CCDC191: variants seen among roughly 807,000 people sequenced by gnomAD.
The protein encoded by CCDC191 is coiled-coil domain-containing protein 191.
Under a neutral mutation model 114.0 loss-of-function variants are expected in CCDC191, and 99 were observed. That is an observed-to-expected ratio of 0.87 (90% CI 0.74 to 1.03). CCDC191 has a LOEUF of 1.03. Among genes scored for constraint, CCDC191 ranks in the 50% least tolerant of loss-of-function variants. The probability of loss-of-function intolerance (pLI) is 0.00; values close to 1 mark genes in which losing one functional copy is unlikely to be tolerated. For synonymous variants in CCDC191, 351 were observed against 376.0 expected, an observed-to-expected ratio of 0.93 and a Z score of 0.77; for missense variants, 973 against 1,087.0, an observed-to-expected ratio of 0.90 and a Z score of 1.47.
chr3:114,004,647 G>A lies in CCDC191; in HGVS notation c.1968C>T (p.Pro656=). The A allele has an allele frequency of 1.2e-6, 2 of 1,611,800 alleles. No individual in the cohort carries two copies. The highest frequency in any genetic ancestry group is 1.1e-5 in the South Asian group (1 of 90,928). Residue 656 remains proline, a synonymous_variant, in exon 11 of 17, where the codon CCC becomes CCT. Transcript: ENST00000295878. The part of the protein sequence containing the change: ...RKPKQLMTPH[P]ILKAMEERAI... Reference sequence around the variant, plus strand: ...CCGAGACAGCCCTGCCTTTTAGTATGGGATGCGGTGTCATCAATTGCTTTG... The same window carrying A: ...CCGAGACAGCCCTGCCTTTTAGTATAGGATGCGGTGTCATCAATTGCTTTG...
At chr3:113,976,469 GA>G (rs1172923506) in intron 16 of CCDC191, among the ~76,000 whole-genome samples, 1 of 151,966 alleles carries the variant, frequency 6.6e-6, no homozygotes, top group African/African-American at 2.4e-5. Flanking sequence ...CTGAAAAATG[GA>G]AATAATGACA....
At chr3:113,977,338 G>C (rs990603338) in intron 16 of CCDC191, among the ~76,000 whole-genome samples, 1 of 151,974 alleles carries the variant, frequency 6.6e-6, no homozygotes, top group African/African-American at 2.4e-5. Flanking sequence ...CAAAAAAGCT[G>C]GAGGCATCAC....
chr3:113,981,914 A>C (rs531153609), intron 13 of CCDC191, among the ~76,000 whole-genome samples: 41 of 152,364 alleles, frequency 2.7e-4, no homozygotes, highest in African/African-American at 9.4e-4. Flanking sequence ...TGAAATGGCC[A>C]GAGAGAAAAT....
At chr3:114,002,382 C>T in intron 12 of CCDC191, 74 bp downstream of exon 12, 1 of 1,105,090 alleles carries the variant, frequency 9.0e-7, no homozygotes, top group Non-Finnish European at 1.3e-6. Flanking sequence ...TCTGAAAAAG[C>T]AAGGTTTCAT....
chr3:114,023,638 A>G (rs2076275626), intron 7 of CCDC191, among the ~76,000 whole-genome samples: 1 of 152,220 alleles, frequency 6.6e-6, no homozygotes, highest in African/African-American at 2.4e-5. Context: ...GGTGCTGGGA[A>G]AACTGGCTAG....
At chr3:114,027,652 C>G (rs1390092731) in intron 7 of CCDC191, among the ~76,000 whole-genome samples, 1 of 132,200 alleles carries the variant, frequency 7.6e-6, no homozygotes, top group Non-Finnish European at 1.7e-5. Flanking sequence ...AAAGCACAAA[C>G]AATTACAGGA....
intron 16 of CCDC191, among the ~76,000 whole-genome samples, chr3:113,972,770 T>C (rs188583875): frequency 6.2e-4 from 94 of 152,310 alleles, no homozygotes; most frequent in Non-Finnish European, 1.1e-3. Flanking sequence ...ATAATTGTTA[T>C]ATCCTCTTGC....
At chr3:114,043,899 A>G (rs750927302) in intron 3 of CCDC191, among the ~76,000 whole-genome samples, 3 of 152,092 alleles carry the variant, frequency 2.0e-5, no homozygotes, top group Non-Finnish European at 2.9e-5. Flanking sequence ...AAAGAAATCT[A>G]TGAGTTTTTT....
intron 8 of CCDC191, among the ~76,000 whole-genome samples, chr3:114,016,337 GTTC>G (rs2076157706): frequency 6.6e-6 from 1 of 152,300 alleles, no homozygotes; most frequent in Admixed American, 6.5e-5. Flanking sequence ...AAGCAACTGA[GTTC>G]TTCATTTGTT....
intron 6 of CCDC191, among the ~76,000 whole-genome samples, chr3:114,033,758 TA>T (rs1366453718): frequency 6.6e-6 from 1 of 152,220 alleles, no homozygotes; most frequent in Admixed American, 6.5e-5. Flanking sequence ...AAGAACTCAC[TA>T]AAACACCAGT....
intron 8 of CCDC191, 54 bp downstream of exon 8, chr3:114,018,624 G>T: frequency 7.2e-7 from 1 of 1,389,604 alleles, no homozygotes; most frequent in Non-Finnish European, 9.9e-7. Flanking sequence ...GATTCTTCAG[G>T]AGGGAAATAT....
Position 114,004,742 on chromosome 3 carries a change from G to A in CCDC191, c.1873C>T (p.Pro625Ser). 3 of 1,608,570 alleles carry A rather than the reference G, an allele frequency of 1.9e-6. No homozygotes were observed. Among genetic ancestry groups the A allele is most frequent in the Non-Finnish European group, 2.5e-6 (3 of 1,178,096 alleles). The change falls in exon 11 of 17, where the codon CCT becomes TCT. Residue 625 changes from proline to serine, a missense_variant. Transcript: ENST00000295878. ...CCTTCAGTCCCAGGGGAAGCAACAG[G>A]TGAACTAGGGAAAAAATAAAGGAAA... Reference protein sequence around the residue: ...PRTCQMLVNSPVASPGTEGRS... With the variant: ...PRTCQMLVNSSVASPGTEGRS...
chr3:113,986,741 C>T (rs149374157), intron 13 of CCDC191, among the ~76,000 whole-genome samples: 103 of 152,170 alleles, frequency 6.8e-4, no homozygotes, highest in South Asian at 3.5e-3. Context: ...CCTAATTGGA[C>T]AGAATTAATG....
At position 114,001,603 on chromosome 3, in the gene CCDC191, T is replaced by C; in HGVS notation, c.2155A>G (p.Lys719Glu). Residue 719 changes from lysine to glutamate, a missense_variant, in exon 13 of 17, where the codon AAG (lysine) becomes GAG (glutamate). Transcript: ENST00000295878. ...LERKREEKRL[K>E]KMKELEKQKR... ...AAATAGACAATACTAACCATTTTCT[T>C]CAGTCTCTTCTCTTCTCGTTTTCTT... is the stretch of plus-strand genomic sequence containing the variant. The C allele has an allele frequency of 6.2e-7, 1 of 1,613,636 alleles. No homozygotes were observed. Among genetic ancestry groups the C allele is most frequent in the Non-Finnish European group, 8.5e-7 (1 of 1,179,660 alleles).
Position 114,004,684 on chromosome 3 carries a change from A to G in CCDC191, c.1931T>C (p.Leu644Pro). 1.2e-6 allele frequency: 2 copies of G among 1,612,880 alleles called. No individual in the cohort carries two copies. The highest frequency in any genetic ancestry group is 1.7e-6 in the Non-Finnish European group (2 of 1,179,366). The change falls in exon 11 of 17, where the codon CTC (leucine) becomes CCC (proline). Residue 644 changes from leucine (L) to proline (P), a missense_variant. Transcript: ENST00000295878. ...CATCAATTGCTTTGGTTTCCTTCTG[A>G]GTCCAGAAAGAGAATTTCGGGAGTC... ...RSDSRNSLSG[L>P]RRKPKQLMTP...
chr3:114,003,101 C>T, intron 11 of CCDC191: 1 of 985,316 alleles, frequency 1.0e-6, no homozygotes, highest in Non-Finnish European at 1.2e-6. Flanking sequence ...GGAATTGTAC[C>T]AGGCATTTGG....
intron 7 of CCDC191, among the ~76,000 whole-genome samples, chr3:114,020,544 A>G (rs1287712769): frequency 6.6e-6 from 1 of 152,044 alleles, no homozygotes; most frequent in African/African-American, 2.4e-5. Flanking sequence ...AGGAAAGGAG[A>G]TTTGCTGAAT....
intron 4 of CCDC191, among the ~76,000 whole-genome samples, chr3:114,037,833 A>G (rs2076507233): frequency 6.6e-6 from 1 of 152,210 alleles, no homozygotes; most frequent in Non-Finnish European, 1.5e-5. Context: ...TTGTTTGGGG[A>G]ATAATGACAA....
intron 1 of CCDC191, among the ~76,000 whole-genome samples, chr3:114,055,184 G>A (rs1016549997): frequency 1.3e-5 from 2 of 152,166 alleles, no homozygotes; most frequent in African/African-American, 4.8e-5. Context: ...CAAAGAAAGA[G>A]CTGATCTAAT....
Sources: gnomAD v4.1 joint callset for allele counts (sites outside exome capture counted in the v4.1 genomes callset) on GRCh38, gnomAD v4.1.1 for gene constraint, MANE v1.5 for transcripts, NCBI Gene and HGNC (gene_info 2026-07-23, HGNC 2026-07-21) for gene names.